Variants in PRELID2 observed in about 807,000 individuals in gnomAD.
PRELID2 encodes the protein PRELI domain-containing protein 2.
A neutral mutation model predicts 28.4 loss-of-function variants in PRELID2; 25 were observed. The observed-to-expected ratio is 0.88, with a 90% confidence interval of 0.64 to 1.23. The LOEUF is 1.23. Ranked by LOEUF, PRELID2 falls within the 50% of genes most tolerant of loss-of-function variation. The pLI is 0.00. For missense variants in PRELID2, 201 were observed against 214.4 expected (o/e 0.94, Z 0.39); for synonymous variants, 76 against 71.6 (o/e 1.06, Z -0.31).
chr5:145,333,698 T>G, the PRELID2 span, among the ~76,000 whole-genome samples: 1 of 152,002 alleles, frequency 6.6e-6, no homozygotes, highest in Non-Finnish European at 1.5e-5. Flanking sequence ...AATCTTAGCT[T>G]GCTGGGCTCC....
chr5:145,566,020 A>T (rs1317082859), intron 1 of PRELID2, among the ~76,000 whole-genome samples: 1 of 152,272 alleles, frequency 6.6e-6, no homozygotes, highest in Non-Finnish European at 1.5e-5. Flanking sequence ...AGGACTAAGA[A>T]GTGGATTACT....
the PRELID2 span, chr5:145,440,711 T>G: frequency 6.6e-6 from 1 of 152,092 alleles, no homozygotes; most frequent in Non-Finnish European, 1.5e-5. Flanking sequence ...TTCTTAGAGA[T>G]GAGAGCTTCC....
the PRELID2 span, among the ~76,000 whole-genome samples, chr5:145,323,524 T>G: frequency 3.2e-4 from 48 of 152,298 alleles, 1 homozygote; most frequent in African/African-American, 1.1e-3. Context: ...ATAGCTAAAT[T>G]GCATGTTGTG....
At chr5:145,664,070 A>G (rs1754542855) in intron 1 of PRELID2, among the ~76,000 whole-genome samples, 1 of 152,232 alleles carries the variant, frequency 6.6e-6, no homozygotes, top group South Asian at 2.1e-4. Context: ...TACTTCTGTA[A>G]ACTCTACTAC....
At chr5:145,368,402 C>T in the PRELID2 span, among the ~76,000 whole-genome samples, 17 of 152,000 alleles carry the variant, frequency 1.1e-4, no homozygotes, top group Admixed American at 4.6e-4. Flanking sequence ...TTGGCATCTT[C>T]GAGACACCTC....
chr5:145,409,237 A>G, the PRELID2 span, among the ~76,000 whole-genome samples: 1 of 152,216 alleles, frequency 6.6e-6, no homozygotes, highest in Non-Finnish European at 1.5e-5. Flanking sequence ...CTTTGAAACA[A>G]ACCTTAAAAT....
chr5:145,354,475 A>G, the PRELID2 span, among the ~76,000 whole-genome samples: 3 of 152,098 alleles, frequency 2.0e-5, no homozygotes, highest in Non-Finnish European at 4.4e-5. Context: ...CTACTTTCAT[A>G]TATTTGTTTT....
At chr5:145,379,095 C>T in the PRELID2 span, among the ~76,000 whole-genome samples, 4 of 152,164 alleles carry the variant, frequency 2.6e-5, no homozygotes, top group Non-Finnish European at 5.9e-5. Context: ...GGGGCCAATG[C>T]ACAGCCCCCA....
At position 145,481,650 on chromosome 5, in the gene PRELID2, A is replaced by AAAAAAAAAAAAAAAAAAAAAAAAAAAAAG. The variant is rs1752162758; in HGVS notation, n.71-8336_71-8335insCTTTTTTTTTTTTTTTTTTTTTTTTTTTT. ...AAAAAAAAAAAAAAAAAAAAAAAAA[A>AAAAAAAAAAAAAAAAAAAAAAAAAAAAAG]AAAGAAAGAAAGAAAGAAAGAAAGA... On this transcript the variant is annotated intron_variant and non_coding_transcript_variant, in intron 1 of 2. Coordinates refer to the PRELID2 transcript ENST00000510259. Among the ~76,000 whole-genome samples, 5 of 117,846 alleles carry AAAAAAAAAAAAAAAAAAAAAAAAAAAAAG rather than the reference A, an allele frequency of 4.2e-5. No individual in the cohort carries two copies. In the East Asian group the frequency reaches 6.6e-4, roughly 16 times the overall value. 77.3% of individuals were successfully genotyped at this position (117,846 alleles called of 152,430 possible). A position where few individuals can be genotyped will look rare whatever the true frequency, so the allele number is the denominator to read the frequency against.
chr5:145,659,683 AG>A (rs1291563092), intron 1 of PRELID2, among the ~76,000 whole-genome samples: 1 of 152,182 alleles, frequency 6.6e-6, no homozygotes, highest in Non-Finnish European at 1.5e-5. Context: ...AGCTTTGTGG[AG>A]GGAGATATGG....
At chr5:145,295,214 C>A in the PRELID2 span, among the ~76,000 whole-genome samples, 1 of 151,842 alleles carries the variant, frequency 6.6e-6, no homozygotes, top group African/African-American at 2.4e-5. Context: ...GCATGCATAG[C>A]CCTGCAAAAA....
chr5:145,726,131 T>G (rs890646153), intron 1 of PRELID2, among the ~76,000 whole-genome samples: 12 of 151,310 alleles, frequency 7.9e-5, no homozygotes, highest in African/African-American at 2.9e-4. Flanking sequence ...ATCCTGCCAC[T>G]GCACTCTAGC....
At position 145,574,783 on chromosome 5, in the gene PRELID2, A is replaced by G. The variant is rs374127610; in HGVS notation, n.71-101468T>C. On this transcript the variant is annotated intron_variant and non_coding_transcript_variant, in intron 1 of 2. Coordinates refer to the PRELID2 transcript ENST00000510259. Reference sequence around the variant, plus strand: ...TGTCACATTCGCATATAACCTGTGTATATCCTCCTGTATACTATAAATCAT... The same window carrying G: ...TGTCACATTCGCATATAACCTGTGTGTATCCTCCTGTATACTATAAATCAT... 1.2e-4 allele frequency among the ~76,000 whole-genome samples: 18 copies of G among 152,162 alleles called. No homozygotes were observed. The East Asian group carries it at 1.5e-3, about 13-fold the overall frequency.
intron 4 of PRELID2, among the ~76,000 whole-genome samples, chr5:145,802,155 AGT>A (rs971168423): frequency 6.6e-6 from 1 of 152,208 alleles, no homozygotes; most frequent in African/African-American, 2.4e-5. Flanking sequence ...ATTGCTACAT[AGT>A]GTTCTACTGA....
chr5:145,517,292 A>G (rs1169661457), intron 1 of PRELID2, among the ~76,000 whole-genome samples: 1 of 143,976 alleles, frequency 6.9e-6, no homozygotes, highest in Non-Finnish European at 1.5e-5. Flanking sequence ...AATTTACGAG[A>G]AAAAAAAAAT....
chr5:145,646,264 C>T (rs1290831320), intron 1 of PRELID2, among the ~76,000 whole-genome samples: 1 of 152,102 alleles, frequency 6.6e-6, no homozygotes, highest in African/African-American at 2.4e-5. Flanking sequence ...CTTTTCTTCT[C>T]ACTTTATATC....
intron 1 of PRELID2, among the ~76,000 whole-genome samples, chr5:145,639,470 G>A (rs1754058386): frequency 6.6e-6 from 1 of 152,134 alleles, no homozygotes; most frequent in African/African-American, 2.4e-5. Context: ...CCTGAAAACT[G>A]TCTCAAACAT....
chr5:145,830,922 C>G lies in PRELID2; in HGVS notation c.75+4255G>C, dbSNP rs139941985. ...TCCTAACAAACCAAAAGCCATAGAT[C>G]AGTAGATCTGATTTAAAATAGAACT... On this transcript the variant is annotated intron_variant, in intron 1 of 6. Transcript: ENST00000683046. Among the ~76,000 whole-genome samples, 525 of 152,220 alleles carry G rather than the reference C, an allele frequency of 3.4e-3. 8 individuals carry two copies. The highest frequency in any genetic ancestry group is 0.012 in the African/African-American group (496 of 41,544).
At chr5:145,287,014 C>T in the PRELID2 span, among the ~76,000 whole-genome samples, 2 of 151,894 alleles carry the variant, frequency 1.3e-5, no homozygotes, top group Non-Finnish European at 2.9e-5. Flanking sequence ...CTGGCCAGAA[C>T]TTCTTATTGT....
Sources: allele counts gnomAD v4.1 joint callset (sites outside exome capture counted in the v4.1 genomes callset), GRCh38; gene constraint gnomAD v4.1.1; transcripts MANE v1.5; gene names NCBI Gene and HGNC (gene_info 2026-07-23, HGNC 2026-07-21).